LRRC4C: variants seen among roughly 807,000 people sequenced by gnomAD.
LRRC4C encodes the protein leucine-rich repeat-containing protein 4C.
Under a neutral mutation model 33.6 loss-of-function variants are expected in LRRC4C, and 5 were observed. That is an observed-to-expected ratio of 0.15 (90% confidence interval 0.08 to 0.31). The LOEUF (loss-of-function observed/expected upper bound fraction) is 0.31, where lower values mean the gene tolerates loss of function less well. Ranked by LOEUF, LRRC4C falls within the 10% of genes least tolerant of loss-of-function variation. The probability of loss-of-function intolerance (pLI) is 1.00; values close to 1 mark genes in which losing one functional copy is unlikely to be tolerated. For synonymous variants in LRRC4C, 329 were observed against 302.0 expected (o/e 1.09, Z -0.93); for missense variants, 560 against 796.7 (o/e 0.70, Z 3.58).
At chr11:40,645,595 C>T (rs1942402416) in intron 3 of LRRC4C, among the ~76,000 whole-genome samples, 1 of 152,108 alleles carries the variant, frequency 6.6e-6, no homozygotes, top group African/African-American at 2.4e-5. Context: ...TTCTACAATT[C>T]AGGAAGAAAA....
At chr11:40,756,924 G>T (rs1313428762) in intron 2 of LRRC4C, among the ~76,000 whole-genome samples, 1 of 151,620 alleles carries the variant, frequency 6.6e-6, no homozygotes, top group Non-Finnish European at 1.5e-5. Flanking sequence ...TGAGGATTTT[G>T]TCATGTTTGG....
intron 3 of LRRC4C, among the ~76,000 whole-genome samples, chr11:40,467,779 C>T (rs963398261): frequency 6.6e-6 from 1 of 152,274 alleles, no homozygotes; most frequent in African/African-American, 2.4e-5. Context: ...GCAATATGCT[C>T]TATGGAAAAC....
At chr11:40,421,103 C>T (rs1007547661) in intron 3 of LRRC4C, among the ~76,000 whole-genome samples, 5 of 152,172 alleles carry the variant, frequency 3.3e-5, no homozygotes, top group Non-Finnish European at 7.3e-5. Flanking sequence ...ATACCATCTC[C>T]TTCTCTCTGA....
At chr11:40,210,191 C>G (rs1195411807) in intron 5 of LRRC4C, among the ~76,000 whole-genome samples, 1 of 151,400 alleles carries the variant, frequency 6.6e-6, no homozygotes. Context: ...TGGCATGAAC[C>G]CAGGAGGCGG....
At chr11:40,811,271 TCTTA>T (rs1474361940) in intron 2 of LRRC4C, among the ~76,000 whole-genome samples, 8 of 152,158 alleles carry the variant, frequency 5.3e-5, no homozygotes, top group African/African-American at 1.4e-4. Context: ...TATTATAATT[TCTTA>T]CTTTATTTCC....
intron 3 of LRRC4C, among the ~76,000 whole-genome samples, chr11:40,485,362 G>T (rs7117433): frequency 2.0e-5 from 3 of 151,164 alleles, no homozygotes; most frequent in East Asian, 2.0e-4. Flanking sequence ...TCACATGCGC[G>T]CTCTCTCTCT....
At chr11:40,324,375 C>T (rs1479803124) in intron 3 of LRRC4C, among the ~76,000 whole-genome samples, 1 of 152,096 alleles carries the variant, frequency 6.6e-6, no homozygotes, top group Non-Finnish European at 1.5e-5. Context: ...TAAATCCATG[C>T]TTGAATTCAT....
chr11:40,624,138 G>A (rs1962712636), intron 3 of LRRC4C, among the ~76,000 whole-genome samples: 1 of 151,894 alleles, frequency 6.6e-6, no homozygotes, highest in South Asian at 2.1e-4. Flanking sequence ...TATTCTGTTT[G>A]GTCAGTGTGT....
intron 1 of LRRC4C, among the ~76,000 whole-genome samples, chr11:41,112,387 G>C (rs1941884210): frequency 6.6e-6 from 1 of 152,124 alleles, no homozygotes; most frequent in South Asian, 2.1e-4. Context: ...CTAGGAGACT[G>C]TGTTCTTCCC....
At chr11:40,926,244 C>A (rs147045165) in intron 2 of LRRC4C, among the ~76,000 whole-genome samples, 151 of 152,222 alleles carry the variant, frequency 9.9e-4, no homozygotes, top group Non-Finnish European at 1.8e-3. Context: ...GCGTTCTTTC[C>A]TTCTGTCCTG....
At chr11:40,597,051 T>C (rs769672639) in intron 3 of LRRC4C, among the ~76,000 whole-genome samples, 38 of 152,162 alleles carry the variant, frequency 2.5e-4, no homozygotes, top group Non-Finnish European at 4.9e-4. Context: ...ATTGAACATA[T>C]AGAATGAGAT....
chr11:40,866,223 A>G (rs527665138), intron 2 of LRRC4C, among the ~76,000 whole-genome samples: 203 of 148,842 alleles, frequency 1.4e-3, no homozygotes, highest in African/African-American at 4.9e-3. Context: ...ATTTCCCTCT[A>G]TTTTTTTCTT....
At chr11:40,341,659 C>T (rs1484997524) in intron 3 of LRRC4C, among the ~76,000 whole-genome samples, 2 of 152,098 alleles carry the variant, frequency 1.3e-5, no homozygotes, top group East Asian at 1.9e-4. Context: ...GCACATTGTG[C>T]ACATGAACCC....
chr11:40,133,412 A>G (rs981648770), intron 6 of LRRC4C, among the ~76,000 whole-genome samples: 1 of 152,234 alleles, frequency 6.6e-6, no homozygotes, highest in Admixed American at 6.5e-5. Context: ...TAAATAGTAC[A>G]AAACCCTAAT....
chr11:40,359,279 CA>C (rs1025041726), intron 3 of LRRC4C, among the ~76,000 whole-genome samples: 2 of 152,134 alleles, frequency 1.3e-5, no homozygotes, highest in Non-Finnish European at 2.9e-5. Flanking sequence ...TCTTCTGTGC[CA>C]GAGACAAAGC....
chr11:40,705,991 G>C (rs186648050), intron 2 of LRRC4C, among the ~76,000 whole-genome samples: 123 of 152,266 alleles, frequency 8.1e-4, no homozygotes, highest in African/African-American at 2.9e-3. Flanking sequence ...TCTGTTGGCT[G>C]CATAAATGTC....
chr11:40,116,531 A>G (rs538238198), intron 6 of LRRC4C, among the ~76,000 whole-genome samples, 197 bp from the exon 7 acceptor site: 50 of 152,290 alleles, frequency 3.3e-4, no homozygotes, highest in African/African-American at 1.2e-3. Context: ...ATTAAAGCCC[A>G]CATTCCATGA....
chr11:40,666,112 C>G, intron 2 of LRRC4C, among the ~76,000 whole-genome samples: 1 of 151,852 alleles, frequency 6.6e-6, no homozygotes, highest in East Asian at 1.9e-4. Context: ...AAATGTTCTA[C>G]GGTACAGTTA....
At chr11:40,912,755 T>C (rs372136176) in intron 2 of LRRC4C, among the ~76,000 whole-genome samples, 1 of 151,710 alleles carries the variant, frequency 6.6e-6, no homozygotes, top group African/African-American at 2.4e-5. Context: ...GACTGGCAAA[T>C]TGGATAAAGA....
Sources: gnomAD v4.1 joint callset for allele counts (sites outside exome capture counted in the v4.1 genomes callset) on GRCh38, gnomAD v4.1.1 for gene constraint, MANE v1.5 for transcripts, NCBI Gene and HGNC (gene_info 2026-07-23, HGNC 2026-07-21) for gene names.